TAF4: variants seen among roughly 807,000 people sequenced by gnomAD.
TAF4 encodes the protein transcription initiation factor TFIID subunit 4.
A neutral mutation model predicts 90.3 loss-of-function variants in TAF4; 9 were observed. The observed-to-expected ratio is 0.10, with a 90% CI of 0.06 to 0.17. The LOEUF is 0.17. TAF4 is among the 10% of genes least tolerant of loss of function. TAF4 has a pLI of 1.00. For synonymous variants in TAF4, 818 were observed against 638.9 expected (o/e 1.28, Z -4.23); for missense variants, 1,351 against 1,370.7 (o/e 0.99, Z 0.23).
intron 1 of TAF4, among the ~76,000 whole-genome samples, chr20:62,018,298 A>G (rs1449233927): frequency 6.6e-6 from 1 of 152,148 alleles, no homozygotes; most frequent in East Asian, 1.9e-4. Context: ...ATCTGAGGAC[A>G]CTCAGAACAC....
At chr20:62,054,274 G>A (rs1297218553) in intron 1 of TAF4, among the ~76,000 whole-genome samples, 1 of 152,182 alleles carries the variant, frequency 6.6e-6, no homozygotes, top group Non-Finnish European at 1.5e-5. Flanking sequence ...AGGGGCCACG[G>A]GGTTTTGGAG....
In TAF4 at chr20:61,976,056, T is replaced by C. The variant is rs2055492500; in HGVS notation, c.*112A>G. Reference sequence around the variant, plus strand: ...AAGAGCTGATTTAGAAACAGGAATATAAAACTGTTCCATTGTAAAGAGGTG... The same window carrying C: ...AAGAGCTGATTTAGAAACAGGAATACAAAACTGTTCCATTGTAAAGAGGTG... On this transcript the variant is annotated 3_prime_UTR_variant, in exon 15 of 15. Transcript: ENST00000252996. 8.5e-7 allele frequency: 1 copy of C among 1,182,198 alleles called. No homozygotes were observed. The highest frequency in any genetic ancestry group is 1.4e-5 in the South Asian group (1 of 69,716). 73.2% of individuals were successfully genotyped at this position (1,182,198 alleles called of 1,614,324 possible).
In TAF4 at chr20:61,999,995, C is replaced by T. The variant is rs118176025; in HGVS notation, c.2787+129G>A. On this transcript the variant is annotated intron_variant, in intron 11 of 14. Coordinates refer to ENST00000252996, the MANE Select transcript of TAF4 (RefSeq NM_003185.4). ...CTAGTCCTATAAGAAATCCAAAACA[C>T]GTTCGTAAGGAACATGGAGGCACTT... 6.0e-3 allele frequency: 6,875 copies of T among 1,139,286 alleles called. 33 individuals are homozygous for T. Among genetic ancestry groups the T allele is most frequent in the Non-Finnish European group, 7.8e-3 (6,013 of 774,528 alleles). The allele number at this position is 1,139,286 out of a possible 1,614,324, so 70.6% of individuals were successfully genotyped here. A position where few individuals can be genotyped will look rare whatever the true frequency, so the allele number is the denominator to read the frequency against.
intron 11 of TAF4, among the ~76,000 whole-genome samples, chr20:61,999,650 C>G (rs1271894392): frequency 2.6e-5 from 4 of 152,156 alleles, no homozygotes; most frequent in African/African-American, 9.7e-5. Context: ...CAGGTGCCTT[C>G]CAAAAGGTAA....
chr20:62,059,165 C>T (rs2056076372), intron 1 of TAF4, among the ~76,000 whole-genome samples: 1 of 152,258 alleles, frequency 6.6e-6, no homozygotes, highest in Non-Finnish European at 1.5e-5. Context: ...ACTACATCAT[C>T]CTGCACACTG....
At chr20:62,048,713 C>A (rs147873337) in intron 1 of TAF4, among the ~76,000 whole-genome samples, 3 of 151,574 alleles carry the variant, frequency 2.0e-5, no homozygotes, top group Non-Finnish European at 4.4e-5. Flanking sequence ...TCCCTGGGCT[C>A]CATGCCCCCT....
At chr20:62,048,334 T>C (rs1440138458) in intron 1 of TAF4, among the ~76,000 whole-genome samples, 1 of 152,136 alleles carries the variant, frequency 6.6e-6, no homozygotes, top group Admixed American at 6.5e-5. Flanking sequence ...ATGGGAGTTG[T>C]CAAGTGATTT....
chr20:62,005,489 C>A (rs944416204), intron 7 of TAF4: 2 of 152,306 alleles, frequency 1.3e-5, no homozygotes, highest in East Asian at 1.9e-4. Flanking sequence ...CCTGCTTAAA[C>A]AGAACCCACC....
rs1218667387 is a variant in TAF4 at position 62,027,772 on chromosome 20, CACTG to C, written c.1361-13069_1361-13066del. Among the ~76,000 whole-genome samples, 8 of 152,352 alleles carry C rather than the reference CACTG, an allele frequency of 5.3e-5. No individual in the cohort carries two copies. The East Asian group carries it at 1.5e-3, about 29-fold the overall frequency. The stretch of plus-strand genomic sequence containing the variant: ...ATTCATTCAAGAGGTGTTTATGCAA[CACTG>C]ACTGTCACCAAGCCCTCAACACACA... On this transcript the variant is annotated intron_variant, in intron 1 of 14. Transcript: ENST00000252996.
At position 62,010,099 on chromosome 20, in the gene TAF4, C is replaced by A. The variant is rs200285799; in HGVS notation, c.1708G>T (p.Gly570Trp). ...SLGTATAVQT[G>W]TPQRTVPGAT... ...CCTGGTACCGTGCGCTGAGGAGTCC[C>A]CGTCTGAACAGCCGTCGCCGTCCCA... Residue 570 changes from glycine (G) to tryptophan (W), a missense_variant, in exon 4 of 15, where the codon GGG (glycine) becomes TGG (tryptophan). Transcript: ENST00000252996. The surrounding 1 kb of genome is among the most constrained non-coding windows in gnomAD (Gnocchi z 4.5). 131 of 1,613,810 alleles carry A rather than the reference C, an allele frequency of 8.1e-5. No homozygotes were observed. Among genetic ancestry groups the A allele is most frequent in the Non-Finnish European group, 1.1e-4 (128 of 1,180,032 alleles).
chr20:62,003,765 C>T lies in TAF4; in HGVS notation c.2337G>A (p.Thr779=), dbSNP rs140240263. 18 of 1,606,688 alleles carry T rather than the reference C, an allele frequency of 1.1e-5. No homozygotes were observed. Among genetic ancestry groups the T allele is most frequent in the East Asian group, 4.5e-5 (2 of 44,780 alleles). Residue 779 remains threonine, a synonymous_variant, in exon 8 of 15, where the codon ACG becomes ACA. Transcript: ENST00000252996. ...RQPHNRIMLT[T]PQQIQLNPLQ... ...GTGGGTTCAGCTGGATCTGCTGAGG[C>T]GTGGTGAGCATGATCCGGTTGTGAG... is the stretch of plus-strand genomic sequence containing the variant.
intron 1 of TAF4, among the ~76,000 whole-genome samples, chr20:62,038,118 TC>T (rs1411645117): frequency 1.3e-5 from 2 of 152,066 alleles, no homozygotes; most frequent in Non-Finnish European, 2.9e-5. Flanking sequence ...AAGCTCCGCC[TC>T]CCAGGTTCAT....
At chr20:61,997,138 T>C (rs897861792) in intron 14 of TAF4, among the ~76,000 whole-genome samples, 4 of 152,204 alleles carry the variant, frequency 2.6e-5, no homozygotes, top group African/African-American at 7.2e-5. Context: ...CTAATGGAAT[T>C]TGGAGAAACA....
chr20:62,023,118 C>T (rs1159781609), intron 1 of TAF4, among the ~76,000 whole-genome samples: 1 of 152,114 alleles, frequency 6.6e-6, no homozygotes, highest in African/African-American at 2.4e-5. Flanking sequence ...TACAGAAATG[C>T]AAAAGTCTTA....
At chr20:62,021,410 G>T (rs745624133) in intron 1 of TAF4, among the ~76,000 whole-genome samples, 8 of 152,258 alleles carry the variant, frequency 5.3e-5, no homozygotes, top group Non-Finnish European at 1.2e-4. Context: ...TGGCCACAGG[G>T]CAGTAAGCAC....
Position 62,042,225 on chromosome 20 carries a change from G to A in TAF4, c.1360+22226C>T, listed in dbSNP as rs79371708. 9.0e-3 allele frequency among the ~76,000 whole-genome samples: 1,371 copies of A among 152,310 alleles called. 8 individuals carry two copies. The highest frequency in any genetic ancestry group is 0.027 in the Middle Eastern group (8 of 294). On this transcript the variant is annotated intron_variant, in intron 1 of 14. Transcript: ENST00000252996. Reference sequence around the variant, plus strand: ...AAAAGAGAAGGAGCGTCTGAATGTCGAGAGGGGTTTGGCTGGGCACCGTCC... The same window carrying A: ...AAAAGAGAAGGAGCGTCTGAATGTCAAGAGGGGTTTGGCTGGGCACCGTCC...
intron 1 of TAF4, among the ~76,000 whole-genome samples, chr20:62,044,338 G>A (rs779797072): frequency 2.6e-5 from 4 of 152,074 alleles, no homozygotes; most frequent in African/African-American, 4.8e-5. Flanking sequence ...GTTATAATAG[G>A]AGAAAAAGAA....
intron 11 of TAF4, among the ~76,000 whole-genome samples, chr20:61,999,636 G>C (rs1208083926): frequency 6.6e-6 from 1 of 152,156 alleles, no homozygotes; most frequent in Non-Finnish European, 1.5e-5. Flanking sequence ...CCCAGAGAGA[G>C]AGGCAGGTGC....
At chr20:61,990,620 A>G (rs1310593072) in intron 14 of TAF4, among the ~76,000 whole-genome samples, 1 of 152,190 alleles carries the variant, frequency 6.6e-6, no homozygotes, top group Admixed American at 6.5e-5. Flanking sequence ...AACCTGGGGC[A>G]GGGGAGGACC....
Sources: gnomAD v4.1 joint callset for allele counts (sites outside exome capture counted in the v4.1 genomes callset) on GRCh38, gnomAD v4.1.1 for gene constraint, Gnocchi (gnomAD v3.1) non-coding constraint, MANE v1.5 for transcripts, NCBI Gene and HGNC (gene_info 2026-07-23, HGNC 2026-07-21) for gene names.